The following PRKN variants were observed in gnomAD, a reference collection of about 807,000 sequenced individuals.
PRKN encodes the protein E3 ubiquitin-protein ligase parkin.
Under a neutral mutation model 59.5 loss-of-function variants are expected in PRKN, and 56 were observed. That is an observed-to-expected ratio of 0.94 (90% CI 0.76 to 1.18). The LOEUF (loss-of-function observed/expected upper bound fraction) is 1.18, where lower values mean the gene tolerates loss of function less well. Ranked by LOEUF, PRKN falls within the 50% of genes most tolerant of loss-of-function variation. The probability of loss-of-function intolerance (pLI) is 0.00; values close to 1 mark genes in which losing one functional copy is unlikely to be tolerated. For synonymous variants in PRKN, 250 were observed against 222.1 expected (o/e 1.13, Z -1.12); for missense variants, 657 against 596.4 (o/e 1.10, Z -1.06).
intron 1 of PRKN, 78 bp from the exon 2 acceptor site, chr6:162,443,551 A>C: frequency 7.3e-7 from 1 of 1,361,464 alleles, no homozygotes; most frequent in South Asian, 1.2e-5. Flanking sequence ...AACATTTCTC[A>C]ACCGATTTAC....
chr6:162,257,624 A>G (rs1779697095), intron 3 of PRKN, among the ~76,000 whole-genome samples: 1 of 152,056 alleles, frequency 6.6e-6, no homozygotes, highest in African/African-American at 2.4e-5. Context: ...GGATATGAAC[A>G]TGGTCTACCT....
chr6:162,440,354 T>A (rs2128166484), intron 2 of PRKN, among the ~76,000 whole-genome samples: 1 of 152,234 alleles, frequency 6.6e-6, no homozygotes, highest in South Asian at 2.1e-4. Context: ...TTTTTAAAAT[T>A]ATGACATTTC....
At chr6:161,680,781 T>A (rs796496221) in intron 7 of PRKN, among the ~76,000 whole-genome samples, 10 of 93,734 alleles carry the variant, frequency 1.1e-4, no homozygotes, top group Admixed American at 4.8e-4. Context: ...ATATATTTTT[T>A]TTTTTTTTTC....
intron 4 of PRKN, among the ~76,000 whole-genome samples, chr6:162,125,252 G>A (rs1385037265): frequency 1.3e-5 from 2 of 152,116 alleles, no homozygotes; most frequent in Non-Finnish European, 2.9e-5. Flanking sequence ...ATCCAGCCCC[G>A]GAGCTCCACG....
chr6:161,632,707 G>A (rs954201569), intron 7 of PRKN, among the ~76,000 whole-genome samples: 1 of 152,138 alleles, frequency 6.6e-6, no homozygotes, highest in Admixed American at 6.5e-5. Context: ...CCACAGCTCT[G>A]GGGAGGCCTC....
chr6:162,607,589 G>A (rs1236044342), intron 1 of PRKN, among the ~76,000 whole-genome samples: 1 of 151,838 alleles, frequency 6.6e-6, no homozygotes, highest in South Asian at 2.1e-4. Context: ...AAAACACATG[G>A]AAAACATCCC....
rs575581029 is a variant in PRKN, at chr6:161,349,983, AGT to A, written c.*114_*115del. 2 of 742,520 alleles carry A rather than the reference AGT, an allele frequency of 2.7e-6. No homozygotes were observed. The highest frequency in any genetic ancestry group is 2.0e-5 in the Admixed American group (1 of 49,460). The allele number at this position is 742,520 out of a possible 1,614,324, so 46.0% of individuals were successfully genotyped here. On this transcript the variant is annotated 3_prime_UTR_variant, in exon 12 of 12. Transcript: ENST00000366898. This position sits in a 1 kb window ranked among gnomAD's most constrained non-coding sequence, Gnocchi z 5.5. ...GTTGGACTTTGAAAAAAACTTGAAG[AGT>A]GTGTGTGCGCGCGCGCGCGTGTGTG...
chr6:162,553,776 T>C (rs542330136), intron 1 of PRKN, among the ~76,000 whole-genome samples: 9 of 118,368 alleles, frequency 7.6e-5, no homozygotes, highest in Admixed American at 1.2e-4. Flanking sequence ...TACTCCAGTA[T>C]GGGCAACAGA....
intron 3 of PRKN, among the ~76,000 whole-genome samples, chr6:162,220,151 A>G (rs1218873178): frequency 6.6e-6 from 1 of 152,124 alleles, no homozygotes; most frequent in Non-Finnish European, 1.5e-5. Flanking sequence ...ATACAGAAAA[A>G]TACCTATCAC....
At chr6:161,601,432 C>T (rs1178091647) in intron 7 of PRKN, among the ~76,000 whole-genome samples, 1 of 152,046 alleles carries the variant, frequency 6.6e-6, no homozygotes, top group African/African-American at 2.4e-5. Context: ...TTGTAACTCC[C>T]CAAAGGCCCT....
intron 4 of PRKN, among the ~76,000 whole-genome samples, chr6:162,072,080 T>C (rs930903776): frequency 2.6e-5 from 4 of 152,018 alleles, no homozygotes; most frequent in African/African-American, 9.7e-5. Context: ...TTTTGCCAGA[T>C]TGTGGGGATG....
chr6:161,602,835 G>C (rs536442420), intron 7 of PRKN, among the ~76,000 whole-genome samples: 2 of 152,252 alleles, frequency 1.3e-5, no homozygotes, highest in South Asian at 4.1e-4. Flanking sequence ...AGAACTCTAG[G>C]GAATATAAAC....
intron 6 of PRKN, among the ~76,000 whole-genome samples, chr6:161,840,908 CA>C (rs369553561): frequency 2.0e-5 from 3 of 146,690 alleles, no homozygotes; most frequent in South Asian, 2.2e-4. Context: ...ATTAAAAAGT[CA>C]AAAAAAAACA....
At chr6:162,531,295 T>TC (rs749180070) in intron 1 of PRKN, among the ~76,000 whole-genome samples, 1 of 152,096 alleles carries the variant, frequency 6.6e-6, no homozygotes, top group African/African-American at 2.4e-5. Flanking sequence ...GTCAAGGGGT[T>TC]CACCTTGCTC....
intron 9 of PRKN, among the ~76,000 whole-genome samples, chr6:161,434,902 C>A (rs990039498): frequency 6.6e-6 from 1 of 152,082 alleles, no homozygotes; most frequent in South Asian, 2.1e-4. Context: ...CCAAGGGTAA[C>A]GTAGCATGTG....
intron 5 of PRKN, among the ~76,000 whole-genome samples, chr6:162,009,090 T>C (rs1782377598): frequency 6.6e-6 from 1 of 151,770 alleles, no homozygotes; most frequent in Non-Finnish European, 1.5e-5. Flanking sequence ...CCGTCTTTAC[T>C]AAAAATACAA....
At chr6:162,182,554 C>T (rs562575918) in intron 4 of PRKN, among the ~76,000 whole-genome samples, 2 of 152,284 alleles carry the variant, frequency 1.3e-5, no homozygotes, top group East Asian at 3.9e-4. Context: ...GGCACCCAAG[C>T]ATCATGCAAA....
chr6:162,082,166 T>A (rs1329130961), intron 4 of PRKN, among the ~76,000 whole-genome samples: 1 of 151,960 alleles, frequency 6.6e-6, no homozygotes, highest in Non-Finnish European at 1.5e-5. Context: ...TGGGGGTAGG[T>A]CTTTCCCATG....
chr6:161,635,671 G>C (rs1257083168), intron 7 of PRKN, among the ~76,000 whole-genome samples: 2 of 152,122 alleles, frequency 1.3e-5, no homozygotes, highest in Non-Finnish European at 2.9e-5. Context: ...TTTCCTGGAG[G>C]AGGGGCCCGG....
Sources: allele counts gnomAD v4.1 joint callset (sites outside exome capture counted in the v4.1 genomes callset), GRCh38; gene constraint gnomAD v4.1.1; non-coding constraint Gnocchi (gnomAD v3.1); transcripts MANE v1.5; gene names NCBI Gene and HGNC (gene_info 2026-07-23, HGNC 2026-07-21).